Variants in FREM2 observed in about 807,000 individuals in gnomAD.
FREM2 encodes FRAS1-related extracellular matrix protein 2.
FREM2 carries 119 observed loss-of-function variants against 219.9 expected under a neutral mutation model. The observed-to-expected ratio is 0.54, with a 90% CI of 0.47 to 0.63. FREM2 has a LOEUF of 0.63. FREM2 is among the 30% of genes least tolerant of loss of function. The pLI is 0.00. For missense variants in FREM2, 4,030 were observed against 3,993.6 expected (o/e 1.01, Z -0.25); for synonymous variants, 1,562 against 1,522.8 (o/e 1.03, Z -0.60).
rs1206318964 is a variant in FREM2, at chr13:38,811,074, ATTTC to A, written c.6019+26269_6019+26272del. On this transcript the variant is annotated intron_variant, in intron 6 of 23. Coordinates refer to ENST00000280481, the MANE Select transcript of FREM2 (RefSeq NM_207361.6). ...TACATTAATTTTGAATAATTTATCCATTTCTTCTCTGTTTTCCAATTTATTGGCA... is the reference window on the plus strand; with the variant it reads ...TACATTAATTTTGAATAATTTATCCATTCTCTGTTTTCCAATTTATTGGCA... 2.0e-5 allele frequency among the ~76,000 whole-genome samples: 3 copies of A among 152,018 alleles called. No individual in the cohort carries two copies. In the South Asian group the frequency reaches 6.2e-4, roughly 32 times the overall value.
At chr13:38,797,227 G>A (rs1202916406) in intron 6 of FREM2, among the ~76,000 whole-genome samples, 4 of 151,374 alleles carry the variant, frequency 2.6e-5, no homozygotes, top group African/African-American at 7.3e-5. Flanking sequence ...CCACCAAGAG[G>A]GTGTGAGTTC....
At chr13:38,811,581 G>T (rs1875477662) in intron 6 of FREM2, among the ~76,000 whole-genome samples, 2 of 151,876 alleles carry the variant, frequency 1.3e-5, no homozygotes, top group South Asian at 2.1e-4. Context: ...GGAGCATATT[G>T]TTTATTTCCA....
chr13:38,863,813 CTTT>C (rs2137924966), intron 15 of FREM2, among the ~76,000 whole-genome samples: 1 of 152,156 alleles, frequency 6.6e-6, no homozygotes, highest in Admixed American at 6.5e-5. Flanking sequence ...TAGTATACCA[CTTT>C]TTTATTTTTT....
intron 20 of FREM2, among the ~76,000 whole-genome samples, 194 bp from the exon 21 acceptor site, chr13:38,876,923 T>C (rs1878360182): frequency 6.6e-6 from 1 of 152,212 alleles, no homozygotes; most frequent in South Asian, 2.1e-4. Context: ...AAAAATGACT[T>C]GATCCCACCA....
At chr13:38,701,779 A>G (rs1870353127) in intron 2 of FREM2, among the ~76,000 whole-genome samples, 1 of 152,110 alleles carries the variant, frequency 6.6e-6, no homozygotes, top group African/African-American at 2.4e-5. Flanking sequence ...CCAACATCAC[A>G]ATTACATAAT....
In FREM2 at chr13:38,883,550, A is replaced by G. The variant is rs1012717077; in HGVS notation, c.*2763A>G. 7 of 152,152 alleles carry G rather than the reference A, an allele frequency of 4.6e-5. No homozygotes were observed. Among genetic ancestry groups the G allele is most frequent in the Admixed American group, 2.0e-4 (3 of 15,266 alleles). The allele number at this position is 152,152 out of a possible 1,614,324, so 9.4% of individuals were successfully genotyped here. ...CTTCTAAGCATGTGAATCATGAAGC[A>G]CTGAAATATGTATTTTAATGATGAT... On this transcript the variant is annotated 3_prime_UTR_variant, in exon 24 of 24. Coordinates refer to ENST00000280481, the MANE Select transcript of FREM2 (RefSeq NM_207361.6).
At chr13:38,749,858 T>C (rs1593383083) in intron 2 of FREM2, among the ~76,000 whole-genome samples, 1 of 152,176 alleles carries the variant, frequency 6.6e-6, no homozygotes, top group African/African-American at 2.4e-5. Flanking sequence ...TGCATGCAAT[T>C]AGTATGAATT....
In FREM2 at chr13:38,692,467, A is replaced by G. The variant is rs1869935367; in HGVS notation, c.5123A>G (p.Tyr1708Cys). ...GTGACAGAGGCCCCTCAACATGGAT[A>G]TCTTCTCAACCTGGACAAAGGCAAC... ...FIVTEAPQHGYLLNLDKGNHS... is the reference protein window; with the variant it reads ...FIVTEAPQHGCLLNLDKGNHS... Residue 1708 changes from tyrosine to cysteine, a missense_variant, in exon 1 of 24, where the codon TAT becomes TGT. Tyr to Cys is a radical substitution (Grantham distance 194, BLOSUM62 -2). Transcript: ENST00000280481. 3 of 1,613,558 alleles carry G rather than the reference A, an allele frequency of 1.9e-6. No homozygotes were observed. Among genetic ancestry groups the G allele is most frequent in the African/African-American group, 2.7e-5 (2 of 74,930 alleles).
chr13:38,787,753 TTTA>T (rs982132998), intron 6 of FREM2, among the ~76,000 whole-genome samples: 5 of 148,972 alleles, frequency 3.4e-5, no homozygotes, highest in South Asian at 2.1e-4. Context: ...AATGTTATTA[TTTA>T]TTATTTATTA....
At chr13:38,730,359 TA>T in intron 2 of FREM2, among the ~76,000 whole-genome samples, 1 of 152,272 alleles carries the variant, frequency 6.6e-6, no homozygotes, top group Non-Finnish European at 1.5e-5. Context: ...CATTCAGTGG[TA>T]AAAAATGCAA....
At chr13:38,711,203 C>A (rs1283216935) in intron 2 of FREM2, among the ~76,000 whole-genome samples, 1 of 152,144 alleles carries the variant, frequency 6.6e-6, no homozygotes, top group Non-Finnish European at 1.5e-5. Context: ...AAAACTGAGA[C>A]AACCACCAGC....
Position 38,749,091 on chromosome 13 carries a change from A to C in FREM2, c.5264-15213A>C, listed in dbSNP as rs114622366. Among the ~76,000 whole-genome samples the C allele has an allele frequency of 1.3e-3, 196 of 152,268 alleles. 1 individual carries two copies. The highest frequency in any genetic ancestry group is 4.2e-3 in the African/African-American group (175 of 41,552). On this transcript the variant is annotated intron_variant, in intron 2 of 23. Coordinates refer to ENST00000280481, the MANE Select transcript of FREM2 (RefSeq NM_207361.6). ...TCTATTTTGTGTTCTCGGCTCTAACATGGGTTGGTGAAGCCTAATCTGCTT... is the reference window on the plus strand; with the variant it reads ...TCTATTTTGTGTTCTCGGCTCTAACCTGGGTTGGTGAAGCCTAATCTGCTT...
Position 38,692,215 on chromosome 13 carries a change from C to T in FREM2, c.4871C>T (p.Thr1624Ile), listed in dbSNP as rs748669833. Residue 1624 changes from threonine to isoleucine, a missense_variant, in exon 1 of 24, where the codon ACC becomes ATC. Thr to Ile is a moderately conservative substitution (Grantham distance 89). Transcript: ENST00000280481. ...DSFSFTVTDG[T>I]HTDFYVFPDT... ...TTCTCCTTCACAGTGACTGATGGCA[C>T]CCATACAGACTTCTATGTTTTTCCT... The T allele has an allele frequency of 1.8e-5, 29 of 1,613,960 alleles. No individual in the cohort carries two copies. Among genetic ancestry groups the T allele is most frequent in the Non-Finnish European group, 2.3e-5 (27 of 1,179,934 alleles).
intron 2 of FREM2, among the ~76,000 whole-genome samples, chr13:38,727,931 G>A (rs1048811004): frequency 1.3e-5 from 2 of 152,140 alleles, no homozygotes; most frequent in Non-Finnish European, 1.5e-5. Flanking sequence ...TCTGAGCATG[G>A]CTTAGATGGC....
chr13:38,874,225 C>T (rs1025073160), intron 17 of FREM2, among the ~76,000 whole-genome samples: 2 of 152,094 alleles, frequency 1.3e-5, no homozygotes, highest in Non-Finnish European at 2.9e-5. Flanking sequence ...TTTAAAAAAA[C>T]TTGGTCTATT....
At chr13:38,856,960 G>T (rs112804136) in intron 12 of FREM2, among the ~76,000 whole-genome samples, 12 of 151,792 alleles carry the variant, frequency 7.9e-5, no homozygotes, top group African/African-American at 2.9e-4. Context: ...GCTGGGAAAC[G>T]TTTTTCCTTA....
intron 9 of FREM2, 116 bp downstream of exon 9, chr13:38,850,351 A>G: frequency 1.2e-6 from 1 of 828,946 alleles, no homozygotes; most frequent in South Asian, 1.4e-5. Flanking sequence ...GCATGGTTTT[A>G]TGTGCAATAA....
chr13:38,787,327 C>T (rs1457749872), intron 6 of FREM2, among the ~76,000 whole-genome samples: 2 of 152,168 alleles, frequency 1.3e-5, no homozygotes, highest in African/African-American at 4.8e-5. Flanking sequence ...TCCCATCTGT[C>T]ATTTACCTTC....
chr13:38,765,555 A>G (rs1005780431), intron 3 of FREM2, among the ~76,000 whole-genome samples: 2 of 152,088 alleles, frequency 1.3e-5, no homozygotes, highest in African/African-American at 2.4e-5. Context: ...GTAGACCTCT[A>G]TGCACAGAAA....
Sources: gnomAD v4.1 joint callset for allele counts (sites outside exome capture counted in the v4.1 genomes callset) on GRCh38, gnomAD v4.1.1 for gene constraint, MANE v1.5 for transcripts, NCBI Gene and HGNC (gene_info 2026-07-23, HGNC 2026-07-21) for gene names.